PRKAR2A: variants seen among roughly 807,000 people sequenced by gnomAD.
PRKAR2A encodes the protein protein kinase cAMP-dependent type II regulatory subunit alpha.
A neutral mutation model predicts 51.9 loss-of-function variants in PRKAR2A; 29 were observed. The ratio of observed to expected loss-of-function variants is 0.56; its 90% CI spans 0.42 to 0.76. PRKAR2A has a LOEUF of 0.76. PRKAR2A is among the 30% of genes least tolerant of loss of function. The pLI, the probability that PRKAR2A is intolerant of heterozygous loss-of-function variation, is 0.00. For synonymous variants in PRKAR2A, 178 were observed against 186.2 expected (o/e 0.96, Z 0.36); for missense variants, 445 against 512.1 (o/e 0.87, Z 1.26).
intron 5 of PRKAR2A, among the ~76,000 whole-genome samples, chr3:48,782,494 C>T (rs1482507987): frequency 2.0e-5 from 3 of 150,580 alleles, no homozygotes; most frequent in African/African-American, 4.9e-5. Context: ...AGTGCAGTGG[C>T]GGGGTCTCAG....
rs1420073505 is a variant in PRKAR2A at position 48,800,888 on chromosome 3, TG to T, written c.298+6760del. The stretch of plus-strand genomic sequence containing the variant: ...CAGGGTTTCACCGTGTTAGCCAGGA[TG>T]GTCTCCATCTCCCGACCTCGTGATC... On this transcript the variant is annotated intron_variant, in intron 2 of 10. Coordinates refer to ENST00000265563, the MANE Select transcript of PRKAR2A (RefSeq NM_004157.4). Among the ~76,000 whole-genome samples the T allele has an allele frequency of 6.6e-5, 10 of 151,994 alleles. No homozygotes were observed. In the East Asian group the frequency reaches 1.6e-3, roughly 24 times the overall value.
chr3:48,819,357 G>A (rs868117198), intron 1 of PRKAR2A, among the ~76,000 whole-genome samples: 21 of 152,186 alleles, frequency 1.4e-4, no homozygotes, highest in African/African-American at 4.1e-4. Flanking sequence ...GTCCCACTAC[G>A]TGCAAGTATT....
intron 5 of PRKAR2A, among the ~76,000 whole-genome samples, chr3:48,776,650 G>A (rs887987125): frequency 3.3e-5 from 5 of 152,104 alleles, no homozygotes; most frequent in Admixed American, 1.3e-4. Context: ...AGACCAGCCT[G>A]GCCAACATGG....
At chr3:48,803,290 G>A (rs1480555812) in intron 2 of PRKAR2A, among the ~76,000 whole-genome samples, 5 of 151,994 alleles carry the variant, frequency 3.3e-5, no homozygotes, top group Admixed American at 1.3e-4. Flanking sequence ...CACACTTGTC[G>A]TCCCAGCTAC....
chr3:48,835,786 CA>C (rs989641624), intron 1 of PRKAR2A, among the ~76,000 whole-genome samples: 26 of 136,408 alleles, frequency 1.9e-4, no homozygotes, highest in African/African-American at 2.2e-4. Flanking sequence ...GACTCAGTCT[CA>C]AAAAAAAAAA....
intron 1 of PRKAR2A, among the ~76,000 whole-genome samples, chr3:48,846,903 G>A (rs1182273266): frequency 3.9e-5 from 6 of 152,120 alleles, no homozygotes; most frequent in African/African-American, 1.4e-4. Context: ...TTCCTCTTTT[G>A]TCTATGCTTA....
chr3:48,790,566 A>G lies in PRKAR2A; in HGVS notation c.413T>C (p.Leu138Pro). 5 of 1,550,210 alleles carry G rather than the reference A, an allele frequency of 3.2e-6. No homozygotes were observed. Among genetic ancestry groups the G allele is most frequent in the Non-Finnish European group, 4.3e-6 (5 of 1,151,568 alleles). ...CRLQEACKDI[L>P]LFKNLDQEQL... ...TACCTGATCAAGATTTTTGAAAAGG[A>G]GAATATCTTTGCAAGCTTCCTGAAG... is the stretch of plus-strand genomic sequence containing the variant. Residue 138 changes from leucine to proline, a missense_variant, in exon 4 of 11, where the codon CTC becomes CCC. Transcript: ENST00000265563.
chr3:48,773,741 C>CAT (rs1277047212), intron 5 of PRKAR2A, among the ~76,000 whole-genome samples: 45 of 150,796 alleles, frequency 3.0e-4, no homozygotes, highest in East Asian at 5.8e-4. Flanking sequence ...TTAACTTAAA[C>CAT]ATATATATAT....
chr3:48,763,800 G>C (rs1219535576), intron 8 of PRKAR2A, among the ~76,000 whole-genome samples: 2 of 151,936 alleles, frequency 1.3e-5, no homozygotes, highest in Admixed American at 6.6e-5. Flanking sequence ...TCATTATAGT[G>C]CTTATCATAT....
Position 48,765,024 on chromosome 3 carries a change from CA to C in PRKAR2A, c.852del (p.Asp284GlufsTer5). Reference protein sequence around the residue: ...VDVIGEKIYKDGERIITQGEK... With the variant: ...VDVIGEKIYKXGERIITQGEK... ...CTCACCTGAGTGATTATGCGTTCTC[CA>C]TCCTTATAGATCTTCTCTCCTATTA... On this transcript the variant is annotated frameshift_variant, in exon 8 of 11. Transcript: ENST00000265563. LOFTEE classifies it high-confidence loss of function. 4 of 1,614,170 alleles carry C rather than the reference CA, an allele frequency of 2.5e-6. No individual in the cohort carries two copies. The highest frequency in any genetic ancestry group is 3.4e-6 in the Non-Finnish European group (4 of 1,180,004).
chr3:48,794,592 G>A (rs1305583855), intron 2 of PRKAR2A, among the ~76,000 whole-genome samples: 2 of 151,918 alleles, frequency 1.3e-5, no homozygotes, highest in Non-Finnish European at 2.9e-5. Context: ...CTACTCGGGA[G>A]GCTGAGGCAG....
At chr3:48,805,689 T>C (rs1344674361) in intron 2 of PRKAR2A, among the ~76,000 whole-genome samples, 2 of 152,220 alleles carry the variant, frequency 1.3e-5, no homozygotes, top group African/African-American at 4.8e-5. Context: ...CTTATAACTG[T>C]GCACCTGGCA....
intron 2 of PRKAR2A, among the ~76,000 whole-genome samples, chr3:48,796,973 CTT>C (rs2082504224): frequency 6.6e-6 from 1 of 152,042 alleles, no homozygotes; most frequent in Admixed American, 6.6e-5. Context: ...CTTCACTCCT[CTT>C]ATATCCTTAA....
Position 48,783,077 on chromosome 3 carries a change from C to G in PRKAR2A, c.451G>C (p.Val151Leu). Residue 151 changes from valine to leucine, a missense_variant, in exon 5 of 11, where the codon GTT becomes CTT. By Grantham distance (32) the Val-to-Leu change is conservative. Coordinates refer to ENST00000265563, the MANE Select transcript of PRKAR2A (RefSeq NM_004157.4). ...KNLDQEQLSQ[V>L]LDAMFERIVK... is the part of the protein sequence containing the mutation. Reference sequence around the variant, plus strand: ...ATCCTTTCAAACATGGCATCGAGAACTTGAGAAAGCTGTTCCTGCAGGGTA... The same window carrying G: ...ATCCTTTCAAACATGGCATCGAGAAGTTGAGAAAGCTGTTCCTGCAGGGTA... 1 of 1,612,722 alleles carries G rather than the reference C, an allele frequency of 6.2e-7. No individual in the cohort carries two copies. Among genetic ancestry groups the G allele is most frequent in the East Asian group, 2.2e-5 (1 of 44,880 alleles).
At chr3:48,807,625 T>C (rs757168482) in intron 2 of PRKAR2A, 24 bp downstream of exon 2, 13 of 1,493,684 alleles carry the variant, frequency 8.7e-6, no homozygotes, top group Non-Finnish European at 1.2e-5. Context: ...ATTTTAGAAG[T>C]ATGTTATGAA....
In PRKAR2A at chr3:48,786,579, C is replaced by T. The variant is rs150260992; in HGVS notation, c.436-3487G>A. ...TTGGGAGGCAGAGGCGGGCGAATCA[C>T]GAGGTCAGGAGATCGAGACCATCCT... On this transcript the variant is annotated intron_variant, in intron 4 of 10. Transcript: ENST00000265563. Among the ~76,000 whole-genome samples, 756 of 149,132 alleles carry T rather than the reference C, an allele frequency of 5.1e-3. 3 individuals are homozygous for T. Among genetic ancestry groups the T allele is most frequent in the Middle Eastern group, 0.024 (7 of 292 alleles).
At chr3:48,779,779 CAAAATAAAT>C (rs1448590759) in intron 5 of PRKAR2A, among the ~76,000 whole-genome samples, 1 of 102,068 alleles carries the variant, frequency 9.8e-6, no homozygotes, top group African/African-American at 3.4e-5. Flanking sequence ...GACTCCGTCT[CAAAATAAAT>C]AAATAAATAA....
intron 8 of PRKAR2A, among the ~76,000 whole-genome samples, chr3:48,760,412 CA>C (rs971547288): frequency 2.6e-5 from 4 of 151,968 alleles, no homozygotes; most frequent in African/African-American, 9.7e-5. Flanking sequence ...TATGGTGGCA[CA>C]AGCCTGTAAT....
intron 5 of PRKAR2A, among the ~76,000 whole-genome samples, chr3:48,781,702 G>A (rs907329207): frequency 3.3e-5 from 5 of 152,020 alleles, no homozygotes; most frequent in Non-Finnish European, 7.4e-5. Context: ...TAGTAGAGAC[G>A]GAGTTTCACT....
Sources: gnomAD v4.1 joint callset for allele counts (sites outside exome capture counted in the v4.1 genomes callset) on GRCh38, gnomAD v4.1.1 for gene constraint, MANE v1.5 for transcripts, NCBI Gene and HGNC (gene_info 2026-07-23, HGNC 2026-07-21) for gene names.